Variants in SPOCK1 observed in about 807,000 individuals in gnomAD.
SPOCK1 encodes testican-1.
Under a neutral mutation model 55.3 loss-of-function variants are expected in SPOCK1, and 23 were observed. The observed-to-expected ratio is 0.42, with a 90% CI of 0.30 to 0.59. The LOEUF is 0.59. Among genes scored for constraint, SPOCK1 ranks in the 20% least tolerant of loss-of-function variants. The pLI, the probability that SPOCK1 is intolerant of heterozygous loss-of-function variation, is 0.22. For missense variants in SPOCK1, 499 were observed against 552.5 expected (o/e 0.90, Z 0.97); for synonymous variants, 226 against 221.0 (o/e 1.02, Z -0.20).
chr5:137,223,949 A>C (rs1755903205), intron 3 of SPOCK1, among the ~76,000 whole-genome samples: 1 of 152,224 alleles, frequency 6.6e-6, no homozygotes, highest in Non-Finnish European at 1.5e-5. Context: ...ACTAAATAAT[A>C]AGAGAATGGT....
Position 136,978,353 on chromosome 5 carries a change from G to A in SPOCK1, c.*301C>T, listed in dbSNP as rs147343876. ...GCTCCCTGCACTGTCAGAATTCCAC[G>A]TAAATCACATGCTTGTTGGAAAAAT... On this transcript the variant is annotated 3_prime_UTR_variant, in exon 11 of 11. Coordinates refer to ENST00000394945, the MANE Select transcript of SPOCK1 (RefSeq NM_004598.4). 1.9e-5 allele frequency: 7 copies of A among 359,286 alleles called. No individual in the cohort carries two copies. The highest frequency in any genetic ancestry group is 1.3e-4 in the East Asian group (3 of 22,290). 22.3% of individuals were successfully genotyped at this position (359,286 alleles called of 1,614,324 possible). A position where few individuals can be genotyped will look rare whatever the true frequency, so the allele number is the denominator to read the frequency against.
chr5:137,437,287 G>A (rs1457876693), intron 2 of SPOCK1, among the ~76,000 whole-genome samples: 1 of 152,172 alleles, frequency 6.6e-6, no homozygotes, highest in Non-Finnish European at 1.5e-5. Context: ...CCAAGACAGA[G>A]ATATCTCTTC....
In SPOCK1 at chr5:137,461,929, G is replaced by T. The variant is rs368482286; in HGVS notation, c.186+36444C>A. On this transcript the variant is annotated intron_variant, in intron 2 of 10. Coordinates refer to ENST00000394945, the MANE Select transcript of SPOCK1 (RefSeq NM_004598.4). ...TTGTGATCCTCAAACTCCCCATGAA[G>T]CCAGTGTTAACATCACCAGATGAAG... Among the ~76,000 whole-genome samples the T allele has an allele frequency of 1.9e-4, 29 of 152,254 alleles. No individual in the cohort carries two copies. The East Asian group carries it at 4.8e-3, about 25-fold the overall frequency.
At chr5:137,129,513 T>C (rs1219930271) in intron 4 of SPOCK1, among the ~76,000 whole-genome samples, 1 of 151,966 alleles carries the variant, frequency 6.6e-6, no homozygotes, top group African/African-American at 2.4e-5. Context: ...AATTGGGTGG[T>C]CAGGGGCCTA....
intron 6 of SPOCK1, among the ~76,000 whole-genome samples, chr5:137,027,241 T>G (rs1203899066): frequency 6.6e-6 from 1 of 152,138 alleles, no homozygotes; most frequent in African/African-American, 2.4e-5. Flanking sequence ...TGATTTTTTG[T>G]TAGGGGGAAG....
intron 2 of SPOCK1, among the ~76,000 whole-genome samples, chr5:137,346,682 C>T (rs931047633): frequency 6.6e-6 from 1 of 152,176 alleles, no homozygotes; most frequent in African/African-American, 2.4e-5. Flanking sequence ...AATTCTCCTC[C>T]GAGGCTTGCC....
At chr5:137,147,410 C>T (rs976922241) in intron 3 of SPOCK1, among the ~76,000 whole-genome samples, 1 of 152,218 alleles carries the variant, frequency 6.6e-6, no homozygotes, top group Admixed American at 6.5e-5. Flanking sequence ...GAAAGTACCA[C>T]AGACTGGTGG....
intron 2 of SPOCK1, among the ~76,000 whole-genome samples, chr5:137,302,335 C>G (rs1204431510): frequency 2.0e-5 from 3 of 150,914 alleles, no homozygotes; most frequent in Non-Finnish European, 4.4e-5. Context: ...TTTGGGAGGC[C>G]AAGGCGGGCA....
intron 4 of SPOCK1, among the ~76,000 whole-genome samples, chr5:137,127,144 T>C (rs1265750625): frequency 6.6e-6 from 1 of 152,046 alleles, no homozygotes; most frequent in Non-Finnish European, 1.5e-5. Flanking sequence ...TTCAAGACAA[T>C]GGTGAGATTA....
intron 6 of SPOCK1, among the ~76,000 whole-genome samples, chr5:137,052,805 G>T (rs981904315): frequency 1.3e-5 from 2 of 151,864 alleles, no homozygotes; most frequent in African/African-American, 4.8e-5. Flanking sequence ...AGTTTGGGAG[G>T]CTGGGTAATT....
chr5:137,237,531 T>A (rs763040406), intron 3 of SPOCK1, among the ~76,000 whole-genome samples: 30 of 152,236 alleles, frequency 2.0e-4, no homozygotes, highest in Non-Finnish European at 4.1e-4. Context: ...GAATGTTTAA[T>A]TCTCACAAGT....
rs1241317315 is a variant in SPOCK1 at position 137,275,376 on chromosome 5, C to T, written c.187-8321G>A. On this transcript the variant is annotated intron_variant, in intron 2 of 10. Transcript: ENST00000394945. ...CACCAGCTATTAACTACCACCTCAC[C>T]ATCCCTCCCCACTTATCCTCTCACC... Among the ~76,000 whole-genome samples, 3 of 152,294 alleles carry T rather than the reference C, an allele frequency of 2.0e-5. No individual in the cohort carries two copies. The South Asian group carries it at 6.2e-4, about 32-fold the overall frequency.
intron 2 of SPOCK1, among the ~76,000 whole-genome samples, chr5:137,392,082 T>C (rs1751737217): frequency 1.3e-5 from 2 of 152,178 alleles, no homozygotes; most frequent in Admixed American, 6.5e-5. Flanking sequence ...TCCTCCAACT[T>C]GAAACTCTTC....
At chr5:136,993,304 G>A (rs1750983409) in intron 6 of SPOCK1, 3 of 152,354 alleles carry the variant, frequency 2.0e-5, no homozygotes. Flanking sequence ...AGGTGAGTAG[G>A]TAGGTGCAAG....
At chr5:137,435,318 G>C (rs1365469715) in intron 2 of SPOCK1, among the ~76,000 whole-genome samples, 3 of 152,176 alleles carry the variant, frequency 2.0e-5, no homozygotes, top group East Asian at 3.8e-4. Context: ...ACTCGTTAAA[G>C]TTCTAATAAG....
intron 2 of SPOCK1, among the ~76,000 whole-genome samples, chr5:137,280,199 A>C (rs973386119): frequency 2.6e-5 from 4 of 151,662 alleles, no homozygotes; most frequent in African/African-American, 9.8e-5. Flanking sequence ...TAAAATTATC[A>C]GGTAAGATCA....
intron 3 of SPOCK1, among the ~76,000 whole-genome samples, chr5:137,180,001 A>C (rs938457472): frequency 2.6e-5 from 4 of 152,198 alleles, no homozygotes; most frequent in African/African-American, 9.7e-5. Context: ...GAATAACACT[A>C]CAATGTGACT....
chr5:137,272,244 A>G (rs1442556207), intron 2 of SPOCK1, among the ~76,000 whole-genome samples: 3 of 152,296 alleles, frequency 2.0e-5, no homozygotes, highest in Admixed American at 6.5e-5. Flanking sequence ...AACTGGTTCT[A>G]TTTATCTTCA....
At chr5:137,481,112 C>T (rs1004858093) in intron 2 of SPOCK1, among the ~76,000 whole-genome samples, 4 of 152,194 alleles carry the variant, frequency 2.6e-5, no homozygotes, top group Non-Finnish European at 5.9e-5. Flanking sequence ...GATTCTTCTG[C>T]ATCATTCTCC....
Sources: gnomAD v4.1 joint callset for allele counts (sites outside exome capture counted in the v4.1 genomes callset) on GRCh38, gnomAD v4.1.1 for gene constraint, MANE v1.5 for transcripts, NCBI Gene and HGNC (gene_info 2026-07-23, HGNC 2026-07-21) for gene names.